The following SPATA13 variants were observed in gnomAD, a reference collection of about 807,000 sequenced individuals.
SPATA13 encodes the protein spermatogenesis associated 13.
In SPATA13, 50 loss-of-function variants were observed where a neutral mutation model predicts 104.0. The ratio of observed to expected loss-of-function variants is 0.48; its 90% CI spans 0.38 to 0.61. The LOEUF (loss-of-function observed/expected upper bound fraction) is 0.61. Ranked by LOEUF, SPATA13 falls within the 20% of genes least tolerant of loss-of-function variation. SPATA13 has a pLI of 0.00. For missense variants in SPATA13, 1,524 were observed against 1,690.6 expected, an observed-to-expected ratio of 0.90 and a Z score of 1.73; for synonymous variants, 606 against 667.5, an observed-to-expected ratio of 0.91 and a Z score of 1.42.
chr13:24,270,620 C>A, intron 4 of SPATA13: 1 of 828,564 alleles, frequency 1.2e-6, no homozygotes, highest in Non-Finnish European at 1.8e-6. Context: ...GAATTCTCTC[C>A]TGAAGTCCCC....
intron 4 of SPATA13, among the ~76,000 whole-genome samples, chr13:24,269,252 C>T (rs758303038): frequency 1.3e-5 from 2 of 152,142 alleles, no homozygotes; most frequent in Non-Finnish European, 2.9e-5. Context: ...GGAAACTTTC[C>T]CTAATTTTGT....
At chr13:24,190,782 C>T (rs1245884436) in intron 1 of SPATA13, among the ~76,000 whole-genome samples, 1 of 152,084 alleles carries the variant, frequency 6.6e-6, no homozygotes, top group Non-Finnish European at 1.5e-5. Flanking sequence ...GTTGAAATGA[C>T]AACAAAGGAT....
chr13:24,080,444 T>G (rs1314610693), intron 3 of SPATA13, among the ~76,000 whole-genome samples: 2 of 152,114 alleles, frequency 1.3e-5, no homozygotes, highest in African/African-American at 4.8e-5. Flanking sequence ...GCATCATCAC[T>G]CAAAATGAAT....
chr13:23,999,030 A>G (rs1429053947), intron 2 of SPATA13, among the ~76,000 whole-genome samples: 1 of 151,756 alleles, frequency 6.6e-6, no homozygotes, highest in Non-Finnish European at 1.5e-5. Flanking sequence ...TGTTCAAGCA[A>G]TTCTTACGCC....
chr13:24,226,046 C>T (rs1871917734), intron 2 of SPATA13, among the ~76,000 whole-genome samples: 1 of 152,150 alleles, frequency 6.6e-6, no homozygotes, highest in African/African-American at 2.4e-5. Context: ...GCAGGTAGTC[C>T]CAATGAGTGG....
At chr13:23,990,034 T>C (rs954904359) in intron 2 of SPATA13, among the ~76,000 whole-genome samples, 3 of 152,194 alleles carry the variant, frequency 2.0e-5, no homozygotes, top group African/African-American at 7.2e-5. Flanking sequence ...GGTATTTTGT[T>C]ACAGCAGCCC....
chr13:24,297,176 C>CT (rs1340249874), intron 10 of SPATA13, among the ~76,000 whole-genome samples, 187 bp from the exon 11 acceptor site: 1 of 152,108 alleles, frequency 6.6e-6, no homozygotes, highest in Non-Finnish European at 1.5e-5. Flanking sequence ...GTAGCTAGGA[C>CT]TACAGGTGTG....
intron 1 of SPATA13, among the ~76,000 whole-genome samples, chr13:24,206,447 C>T (rs563345954): frequency 5.3e-5 from 8 of 152,262 alleles, no homozygotes; most frequent in Non-Finnish European, 7.3e-5. Context: ...AAAAGGAATG[C>T]TTTTACACTG....
intron 3 of SPATA13, among the ~76,000 whole-genome samples, chr13:24,131,979 C>G (rs1437915868): frequency 6.6e-6 from 1 of 152,204 alleles, no homozygotes; most frequent in Admixed American, 6.5e-5. Context: ...CCCTGACTCC[C>G]TTGCAGCTAG....
chr13:24,129,801 C>T (rs2137833593), intron 3 of SPATA13, among the ~76,000 whole-genome samples: 1 of 152,346 alleles, frequency 6.6e-6, no homozygotes, highest in Middle Eastern at 3.4e-3. Flanking sequence ...TGCCTCAGTC[C>T]CTGTATGGTG....
At chr13:24,291,744 T>TATTTA (rs150665951) in intron 9 of SPATA13, among the ~76,000 whole-genome samples, 2 of 100,172 alleles carry the variant, frequency 2.0e-5, no homozygotes. Context: ...GTCTTTATTT[T>TATTTA]TTTATTTTTT....
intron 4 of SPATA13, among the ~76,000 whole-genome samples, chr13:24,258,983 G>A (rs1218555985): frequency 6.6e-6 from 1 of 152,210 alleles, no homozygotes; most frequent in Non-Finnish European, 1.5e-5. Context: ...AGCAAGGTTA[G>A]CATCCTTGGG....
chr13:24,259,553 A>G (rs1873958622), intron 4 of SPATA13, among the ~76,000 whole-genome samples: 1 of 152,112 alleles, frequency 6.6e-6, no homozygotes, highest in South Asian at 2.1e-4. Flanking sequence ...TTTCTGTTTG[A>G]TTTTGTACTG....
chr13:24,060,319 A>G (rs1229736190), intron 3 of SPATA13, among the ~76,000 whole-genome samples: 1 of 152,246 alleles, frequency 6.6e-6, no homozygotes, highest in Non-Finnish European at 1.5e-5. Flanking sequence ...AAGCTGACAG[A>G]AACAAGCAAT....
intron 3 of SPATA13, among the ~76,000 whole-genome samples, chr13:24,154,590 T>C (rs1882205015): frequency 6.6e-6 from 1 of 152,242 alleles, no homozygotes; most frequent in African/African-American, 2.4e-5. Flanking sequence ...TTTCATGTTG[T>C]ATTAGTTTTC....
chr13:24,053,946 C>A (rs952104688), intron 3 of SPATA13, among the ~76,000 whole-genome samples: 1 of 152,106 alleles, frequency 6.6e-6, no homozygotes, highest in Non-Finnish European at 1.5e-5. Context: ...TGTCTATGTG[C>A]TTGAGGCATA....
intron 3 of SPATA13, among the ~76,000 whole-genome samples, chr13:24,060,011 A>G (rs559574398): frequency 3.9e-5 from 6 of 152,252 alleles, no homozygotes; most frequent in African/African-American, 1.2e-4. Flanking sequence ...ATTTTGAGGT[A>G]TGTTCCTTCA....
chr13:24,113,829 C>T (rs1880731252), intron 3 of SPATA13, among the ~76,000 whole-genome samples: 1 of 138,584 alleles, frequency 7.2e-6, no homozygotes, highest in South Asian at 2.3e-4. Context: ...GAGATTGCAC[C>T]ACTACACTCC....
intron 3 of SPATA13, among the ~76,000 whole-genome samples, chr13:24,140,359 A>G (rs1433377843): frequency 6.6e-6 from 1 of 152,222 alleles, no homozygotes; most frequent in African/African-American, 2.4e-5. Flanking sequence ...GCCCCAGCAG[A>G]CAGAGAGGAT....
Sources: allele counts gnomAD v4.1 joint callset (sites outside exome capture counted in the v4.1 genomes callset), GRCh38; gene constraint gnomAD v4.1.1; transcripts MANE v1.5; gene names NCBI Gene and HGNC (gene_info 2026-07-23, HGNC 2026-07-21).